Variants in SLC6A17 observed in about 807,000 individuals in gnomAD.
The protein encoded by SLC6A17 is sodium-dependent neutral amino acid transporter SLC6A17.
Under a neutral mutation model 64.5 loss-of-function variants are expected in SLC6A17, and 21 were observed. That is an observed-to-expected ratio of 0.33 (90% CI 0.23 to 0.47). SLC6A17 has a LOEUF of 0.47. SLC6A17 is among the 20% of genes least tolerant of loss of function. The pLI is 1.00. For synonymous variants in SLC6A17, 372 were observed against 399.5 expected (o/e 0.93, Z 0.82); for missense variants, 682 against 963.2 (o/e 0.71, Z 3.86).
intron 1 of SLC6A17, 97 bp from the exon 2 acceptor site, chr1:110,166,746 C>T: frequency 1.5e-6 from 1 of 685,548 alleles, no homozygotes; most frequent in South Asian, 2.5e-5. Flanking sequence ...ACCTGCCTCA[C>T]AGTGTGATGG....
At chr1:110,163,963 C>G (rs891565425) in intron 1 of SLC6A17, among the ~76,000 whole-genome samples, 13 of 152,174 alleles carry the variant, frequency 8.5e-5, no homozygotes, top group Admixed American at 2.6e-4. Context: ...CTCCACCCCT[C>G]CGGTGTGACT....
chr1:110,184,779 G>A (rs1011032401), intron 6 of SLC6A17, among the ~76,000 whole-genome samples: 5 of 152,196 alleles, frequency 3.3e-5, no homozygotes, highest in Admixed American at 6.5e-5. Flanking sequence ...ATTCACGTGC[G>A]TGTATGTATA....
intron 1 of SLC6A17, among the ~76,000 whole-genome samples, chr1:110,162,064 T>TCTCGGCACTCGTGCCC (rs1195332978): frequency 3.3e-5 from 5 of 152,266 alleles, no homozygotes; most frequent in African/African-American, 1.2e-4. Flanking sequence ...CCAAGGGCCT[T>TCTCGGCACTCGTGCCC]CTCGGCACTC....
At chr1:110,176,808 A>G in intron 6 of SLC6A17, 69 bp downstream of exon 6, 1 of 1,333,244 alleles carries the variant, frequency 7.5e-7, no homozygotes, top group Non-Finnish European at 1.1e-6. Flanking sequence ...AGCTTCCTGC[A>G]ATTTCATGGA....
rs1011296477 is a variant in SLC6A17 at position 110,150,526 on chromosome 1, G to A, written c.-445G>A. The stretch of plus-strand genomic sequence containing the variant: ...AAAGCGAGGGAACAGTGCGCGCAGC[G>A]CTCCGCCCAGCTCCGTTCTGCTCCG... On this transcript the variant is annotated 5_prime_UTR_variant, in exon 1 of 12. Coordinates refer to ENST00000331565, the MANE Select transcript of SLC6A17 (RefSeq NM_001010898.4). The A allele has an allele frequency of 7.2e-5, 11 of 152,238 alleles. No individual in the cohort carries two copies. Among genetic ancestry groups the A allele is most frequent in the Admixed American group, 2.6e-4 (4 of 15,286 alleles). 9.4% of individuals were successfully genotyped at this position (152,238 alleles called of 1,614,324 possible).
intron 5 of SLC6A17, among the ~76,000 whole-genome samples, chr1:110,176,303 G>T (rs1187816010): frequency 6.6e-6 from 1 of 152,106 alleles, no homozygotes; most frequent in African/African-American, 2.4e-5. Context: ...TGAGACATGG[G>T]AGAATGAGGA....
intron 1 of SLC6A17, among the ~76,000 whole-genome samples, chr1:110,161,936 A>T (rs1158778746): frequency 6.6e-6 from 1 of 152,316 alleles, no homozygotes; most frequent in East Asian, 1.9e-4. Flanking sequence ...TCTGCCTCCC[A>T]GTCACACTAT....
chr1:110,164,806 G>A (rs568279187), intron 1 of SLC6A17, among the ~76,000 whole-genome samples: 1 of 152,184 alleles, frequency 6.6e-6, no homozygotes. Context: ...GACCGAAGCT[G>A]CCACTCACTA....
intron 1 of SLC6A17, among the ~76,000 whole-genome samples, chr1:110,164,259 T>C (rs914064016): frequency 6.6e-6 from 1 of 152,122 alleles, no homozygotes; most frequent in African/African-American, 2.4e-5. Flanking sequence ...TGCCTCCCAC[T>C]CCCACACCCA....
At chr1:110,162,483 T>G (rs1379295708) in intron 1 of SLC6A17, among the ~76,000 whole-genome samples, 1 of 152,168 alleles carries the variant, frequency 6.6e-6, no homozygotes, top group Non-Finnish European at 1.5e-5. Flanking sequence ...GTTTGCACGG[T>G]AGGTTGGTCA....
At chr1:110,179,616 C>T (rs1028964768) in intron 6 of SLC6A17, among the ~76,000 whole-genome samples, 2 of 138,666 alleles carry the variant, frequency 1.4e-5, no homozygotes, top group African/African-American at 5.3e-5. Flanking sequence ...TGCAATGGCA[C>T]GATCTCAGCT....
intron 9 of SLC6A17, chr1:110,194,986 G>A (rs560098815): frequency 4.1e-5 from 26 of 636,956 alleles, no homozygotes; most frequent in African/African-American, 3.8e-4. Flanking sequence ...ACATGAGCCG[G>A]GAGGCCTGCA....
In SLC6A17 at chr1:110,174,866, G is replaced by A. The variant is rs1344244004; in HGVS notation, c.659G>A (p.Ser220Asn). Reference sequence around the variant, plus strand: ...GACATCTCTGACTCCATCTCGGAGAGTGGGGGCCTCAACTGGAAGATGACC... The same window carrying A: ...GACATCTCTGACTCCATCTCGGAGAATGGGGGCCTCAACTGGAAGATGACC... The part of the protein sequence containing the change: ...ALDISDSISE[S>N]GGLNWKMTLC... Residue 220 changes from serine (S) to asparagine (N), a missense_variant, in exon 5 of 12, where the codon AGT becomes AAT. Physicochemically the swap from Ser to Asn is conservative, Grantham distance 46 (BLOSUM62 1). This residue lies in a region of SLC6A17 where 415 missense variants were observed against 603.8 expected (regional missense o/e 0.69). Transcript: ENST00000331565. The A allele has an allele frequency of 6.2e-7, 1 of 1,614,236 alleles. No individual in the cohort carries two copies. Among genetic ancestry groups the A allele is most frequent in the Non-Finnish European group, 8.5e-7 (1 of 1,180,050 alleles).
At position 110,192,319 on chromosome 1, in the gene SLC6A17, TCA is replaced by T. The variant is rs1656848699; in HGVS notation, c.1106+107_1106+108del. On this transcript the variant is annotated intron_variant, in intron 7 of 11. Coordinates refer to ENST00000331565, the MANE Select transcript of SLC6A17 (RefSeq NM_001010898.4). The surrounding 1 kb of genome is among the most constrained non-coding windows in gnomAD (Gnocchi z 4.3). ...GCATGGGGAGAGAGGTCCCCTCCAC[TCA>T]GACTGAGGAATGGAGATCAGAGGAG... 38 of 1,517,222 alleles carry T rather than the reference TCA, an allele frequency of 2.5e-5. No individual in the cohort carries two copies. Among genetic ancestry groups the T allele is most frequent in the Middle Eastern group, 2.1e-4 (1 of 4,776 alleles). 94.0% of individuals were successfully genotyped at this position (1,517,222 alleles called of 1,614,324 possible). A position where few individuals can be genotyped will look rare whatever the true frequency, so the allele number is the denominator to read the frequency against.
At chr1:110,181,543 G>A (rs1259462213) in intron 6 of SLC6A17, among the ~76,000 whole-genome samples, 1 of 152,244 alleles carries the variant, frequency 6.6e-6, no homozygotes, top group African/African-American at 2.4e-5. Flanking sequence ...ACGTTCTGGT[G>A]GAGGGAGACA....
At position 110,172,961 on chromosome 1, in the gene SLC6A17, T is replaced by C. The variant is rs148216338; in HGVS notation, c.444+744T>C. Among the ~76,000 whole-genome samples, 668 of 152,378 alleles carry C rather than the reference T, an allele frequency of 4.4e-3. 8 individuals carry two copies. Among genetic ancestry groups the C allele is most frequent in the African/African-American group, 0.015 (621 of 41,596 alleles). ...AACTTCTGGAAGGGACTAAGGATTC[T>C]GCCAGGCCTGGCAGTAGGGCCAGCC... is the stretch of plus-strand genomic sequence containing the variant. On this transcript the variant is annotated intron_variant, in intron 3 of 11. Coordinates refer to ENST00000331565, the MANE Select transcript of SLC6A17 (RefSeq NM_001010898.4).
intron 10 of SLC6A17, 138 bp downstream of exon 10, chr1:110,195,883 T>C: frequency 4.0e-6 from 5 of 1,260,980 alleles, no homozygotes; most frequent in Non-Finnish European, 5.5e-6. Flanking sequence ...TGAGGTGTAG[T>C]GCAAGGACAT....
intron 1 of SLC6A17, among the ~76,000 whole-genome samples, chr1:110,152,510 A>G (rs1374137824): frequency 6.6e-6 from 1 of 152,216 alleles, no homozygotes; most frequent in Non-Finnish European, 1.5e-5. Context: ...AGAGGTGGGC[A>G]AGTCCTCTGA....
intron 1 of SLC6A17, among the ~76,000 whole-genome samples, chr1:110,151,393 A>G (rs1655599575): frequency 6.6e-6 from 1 of 152,226 alleles, no homozygotes; most frequent in Non-Finnish European, 1.5e-5. Flanking sequence ...CGAGATGAAT[A>G]TTTAATTCTC....
Sources: allele counts gnomAD v4.1 joint callset (sites outside exome capture counted in the v4.1 genomes callset), GRCh38; gene constraint gnomAD v4.1.1; regional missense constraint gnomAD v4.1.1; non-coding constraint Gnocchi (gnomAD v3.1); transcripts MANE v1.5; gene names NCBI Gene and HGNC (gene_info 2026-07-23, HGNC 2026-07-21).